Variants in SERF2 observed in about 807,000 individuals in gnomAD.
SERF2 encodes small EDRK-rich factor 2, also known as gastric cancer-related protein VRG107.
Under a neutral mutation model 10.7 loss-of-function variants are expected in SERF2, and 4 were observed. That is an observed-to-expected ratio of 0.37 (90% CI 0.18 to 0.86). SERF2 has a LOEUF of 0.86. Among genes scored for constraint, SERF2 ranks in the 40% least tolerant of loss-of-function variants. The pLI is 0.43. For synonymous variants in SERF2, 26 were observed against 26.0 expected (o/e 1.00, Z 0.01); for missense variants, 47 against 79.1 (o/e 0.59, Z 1.54).
upstream of SERF2, among the ~76,000 whole-genome samples, chr15:43,791,689 G>A (rs2087063278): frequency 6.6e-6 from 1 of 152,332 alleles, no homozygotes; most frequent in Middle Eastern, 3.4e-3. Flanking sequence ...CTTCCAAGCT[G>A]CATGTTCACA....
chr15:43,780,583 C>T (rs1249619890), intron 1 of SERF2, among the ~76,000 whole-genome samples: 1 of 152,152 alleles, frequency 6.6e-6, no homozygotes. Context: ...CCCCTCCTCC[C>T]AGCCCCTAGC....
rs1264576181 is a variant in SERF2 at position 43,777,273 on chromosome 15, C to G, written c.-756C>G. ...CCCAGCGACCCTGAATTTGGAGTTG[C>G]TGTCTCTAAGTGAAAGCTGAACCTG... On this transcript the variant is annotated 5_prime_UTR_variant, in exon 1 of 5. Transcript: ENST00000381359. 6 of 433,384 alleles carry G rather than the reference C, an allele frequency of 1.4e-5. No homozygotes were observed. In the East Asian group the frequency reaches 4.0e-4, roughly 29 times the overall value. 26.8% of individuals were successfully genotyped at this position (433,384 alleles called of 1,614,324 possible). A position where few individuals can be genotyped will look rare whatever the true frequency, so the allele number is the denominator to read the frequency against.
At chr15:43,791,429 C>T (rs2087059519), upstream of SERF2, among the ~76,000 whole-genome samples, 1 of 151,456 alleles carries the variant, frequency 6.6e-6, no homozygotes, top group Non-Finnish European at 1.5e-5. Flanking sequence ...TTAGGGTTTT[C>T]ACCATTGTTG....
intron 1 of SERF2, among the ~76,000 whole-genome samples, chr15:43,782,877 G>A (rs1450032378): frequency 2.0e-5 from 3 of 150,964 alleles, no homozygotes; most frequent in Admixed American, 6.6e-5. Flanking sequence ...TGGAGTCTTC[G>A]CTCTGTCACC....
At chr15:43,785,007 C>T (rs1452931896) in intron 1 of SERF2, among the ~76,000 whole-genome samples, 1 of 151,096 alleles carries the variant, frequency 6.6e-6, no homozygotes, top group Admixed American at 6.6e-5. Flanking sequence ...CTCACATCAG[C>T]CTCCCAAAGT....
At chr15:43,786,176 G>A (rs1198869728) in intron 2 of SERF2, among the ~76,000 whole-genome samples, 3 of 151,950 alleles carry the variant, frequency 2.0e-5, no homozygotes, top group Non-Finnish European at 2.9e-5. Context: ...AGCACTTTGG[G>A]AGGCTGAGGC....
intron 1 of SERF2, 188 bp downstream of exon 1, chr15:43,792,571 C>G: frequency 2.7e-6 from 4 of 1,472,718 alleles, no homozygotes; most frequent in Non-Finnish European, 3.6e-6. Context: ...ACGGGACCAC[C>G]CTCCCGGGTT....
At chr15:43,791,434 T>C (rs1040544470), upstream of SERF2, among the ~76,000 whole-genome samples, 4 of 151,274 alleles carry the variant, frequency 2.6e-5, no homozygotes, top group African/African-American at 9.7e-5. Context: ...GTTTTCACCA[T>C]TGTTGGTCAG....
chr15:43,795,733 G>C lies in SERF2; in HGVS notation c.*1960G>C, dbSNP rs1441971710. The C allele has an allele frequency of 4.3e-6, 7 of 1,613,760 alleles. No homozygotes were observed. Among genetic ancestry groups the C allele is most frequent in the Non-Finnish European group, 5.9e-6 (7 of 1,179,936 alleles). On this transcript the variant is annotated 3_prime_UTR_variant, in exon 3 of 3. Coordinates refer to ENST00000249786, the MANE Select transcript of SERF2 (RefSeq NM_001018108.4). The stretch of plus-strand genomic sequence containing the variant: ...TCAGGGCAGCAGAAACACAGTGAGG[G>C]CTTCTGCAAAACAGAACGCAGGTTT...
chr15:43,792,128 C>G (rs527632126), upstream of SERF2: 3 of 559,904 alleles, frequency 5.4e-6, no homozygotes, highest in African/African-American at 3.8e-5. Flanking sequence ...CCCGTCCCTA[C>G]GTCTCACTCG....
chr15:43,792,291 GC>G (rs2087076179), upstream of SERF2: 3 of 1,184,290 alleles, frequency 2.5e-6, no homozygotes, highest in East Asian at 2.3e-5. Context: ...GAACGACTGT[GC>G]TACGTTGCCA....
At chr15:43,789,698 C>G (rs1242130255), upstream of SERF2, among the ~76,000 whole-genome samples, 1 of 152,048 alleles carries the variant, frequency 6.6e-6, no homozygotes, top group Non-Finnish European at 1.5e-5. Flanking sequence ...TCCTTTAAAG[C>G]TATTATCATG....
intron 1 of SERF2, among the ~76,000 whole-genome samples, chr15:43,777,823 A>G (rs2086932604): frequency 6.6e-6 from 1 of 151,924 alleles, no homozygotes; most frequent in Non-Finnish European, 1.5e-5. Context: ...TATGTTTCCC[A>G]AGAGCCCCGA....
upstream of SERF2, among the ~76,000 whole-genome samples, chr15:43,789,206 T>A (rs1234595918): frequency 6.6e-6 from 1 of 151,968 alleles, no homozygotes; most frequent in Non-Finnish European, 1.5e-5. Context: ...CACCTGATGT[T>A]AGCTAGTAGT....
upstream of SERF2, chr15:43,792,318 G>A: frequency 6.9e-7 from 1 of 1,448,612 alleles, no homozygotes; most frequent in Non-Finnish European, 9.7e-7. Flanking sequence ...GGCGGGACCT[G>A]CAACGTCCGA....
chr15:43,789,639 T>C (rs903434739), upstream of SERF2, among the ~76,000 whole-genome samples: 2 of 152,228 alleles, frequency 1.3e-5, no homozygotes, highest in Non-Finnish European at 2.9e-5. Context: ...TTAAGCTGTG[T>C]GCACTGCGAA....
intron 2 of SERF2, 60 bp from the exon 3 acceptor site, chr15:43,793,650 C>G: frequency 1.2e-6 from 2 of 1,614,022 alleles, no homozygotes; most frequent in East Asian, 2.2e-5. Context: ...CTTCATCCCC[C>G]TGCATCTTGT....
chr15:43,794,763 T>G lies in SERF2; in HGVS notation c.*990T>G. On this transcript the variant is annotated 3_prime_UTR_variant, in exon 3 of 3. Coordinates refer to ENST00000249786, the MANE Select transcript of SERF2 (RefSeq NM_001018108.4). ...CAGCGGTGGTTCTTTGAGCTGCTGA[T>G]TTGGGTGTTAGGCTCTTGAGCTGGG... is the stretch of plus-strand genomic sequence containing the variant. 2.6e-5 allele frequency: 12 copies of G among 468,942 alleles called. No homozygotes were observed. Among genetic ancestry groups the G allele is most frequent in the African/African-American group, 3.8e-5 (2 of 51,964 alleles). The allele number at this position is 468,942 out of a possible 1,614,324, so 29.0% of individuals were successfully genotyped here. A position where few individuals can be genotyped will look rare whatever the true frequency, so the allele number is the denominator to read the frequency against.
chr15:43,793,673 C>T (rs1165556234), intron 2 of SERF2, 37 bp from the exon 3 acceptor site: 3 of 1,614,054 alleles, frequency 1.9e-6, no homozygotes, highest in East Asian at 2.2e-5. Context: ...TTTTTGCCCT[C>T]TGGTACCTCC....
Sources: gnomAD v4.1 joint callset for allele counts (sites outside exome capture counted in the v4.1 genomes callset) on GRCh38, gnomAD v4.1.1 for gene constraint, MANE v1.5 for transcripts, NCBI Gene and HGNC (gene_info 2026-07-23, HGNC 2026-07-21) for gene names.